Variants in SETBP1 observed in about 807,000 individuals in gnomAD.
SETBP1 encodes the protein SET binding protein 1.
A neutral mutation model predicts 101.0 loss-of-function variants in SETBP1; 9 were observed. The ratio of observed to expected loss-of-function variants is 0.09; its 90% CI spans 0.05 to 0.16. The LOEUF is 0.16. Ranked by LOEUF, SETBP1 falls within the 10% of genes least tolerant of loss-of-function variation. SETBP1 has a pLI of 1.00. For missense variants in SETBP1, 1,858 were observed against 2,033.8 expected (o/e 0.91, Z 1.66); for synonymous variants, 818 against 788.5 (o/e 1.04, Z -0.63).
At chr18:44,955,150 C>T (rs757967075) in intron 4 of SETBP1, among the ~76,000 whole-genome samples, 2 of 152,216 alleles carry the variant, frequency 1.3e-5, no homozygotes, top group Non-Finnish European at 2.9e-5. Flanking sequence ...TTGCTGAGTG[C>T]TGGTTGACTT....
chr18:44,997,543 G>C (rs1470505616), intron 4 of SETBP1, among the ~76,000 whole-genome samples: 1 of 152,128 alleles, frequency 6.6e-6, no homozygotes, highest in East Asian at 1.9e-4. Flanking sequence ...AGCAATTCTT[G>C]AGATCTAAAG....
At chr18:44,707,132 TC>T (rs2144239320) in intron 2 of SETBP1, among the ~76,000 whole-genome samples, 1 of 152,330 alleles carries the variant, frequency 6.6e-6, no homozygotes, top group African/African-American at 2.4e-5. Context: ...GGCGAGGTTT[TC>T]CTATGAAGCC....
intron 4 of SETBP1, chr18:44,988,392 A>G (rs564111350): frequency 3.5e-4 from 53 of 152,364 alleles, no homozygotes; most frequent in African/African-American, 1.2e-3. Context: ...TTAAAATAAT[A>G]TAAAAGGTTT....
intron 4 of SETBP1, among the ~76,000 whole-genome samples, chr18:45,017,677 C>T (rs2072976448): frequency 6.6e-6 from 1 of 152,210 alleles, no homozygotes; most frequent in South Asian, 2.1e-4. Flanking sequence ...AAGTGCAAAC[C>T]ATGGTCTGAT....
chr18:44,759,943 T>G (rs1166973018), intron 2 of SETBP1, among the ~76,000 whole-genome samples: 4 of 152,226 alleles, frequency 2.6e-5, no homozygotes, highest in Non-Finnish European at 5.9e-5. Flanking sequence ...TAGGTATTTC[T>G]TTCAAGCTCC....
In SETBP1 at chr18:44,969,489, G is replaced by A. The variant is rs116691266; in HGVS notation, c.4000+16149G>A. Among the ~76,000 whole-genome samples, 251 of 152,274 alleles carry A rather than the reference G, an allele frequency of 1.6e-3. 1 individual carries two copies. Among genetic ancestry groups the A allele is most frequent in the African/African-American group, 5.9e-3 (244 of 41,544 alleles). On this transcript the variant is annotated intron_variant, in intron 4 of 5. Coordinates refer to ENST00000649279, the MANE Select transcript of SETBP1 (RefSeq NM_015559.3). ...CTCCTTCCCAAGCCTTTCCTGTGAA[G>A]TTATAAATCTCAGCATTTAGAGATA...
chr18:44,855,656 T>C (rs1354979358), intron 2 of SETBP1, among the ~76,000 whole-genome samples: 1 of 152,200 alleles, frequency 6.6e-6, no homozygotes, highest in African/African-American at 2.4e-5. Flanking sequence ...CTTGGGAGTA[T>C]TTACACTATG....
rs113263565 is a variant in SETBP1 at position 44,718,851 on chromosome 18, G to C, written c.486+17019G>C. Among the ~76,000 whole-genome samples the C allele has an allele frequency of 9.2e-3, 1,395 of 152,206 alleles. 22 individuals are homozygous for C. Among genetic ancestry groups the C allele is most frequent in the African/African-American group, 0.028 (1,164 of 41,528 alleles). On this transcript the variant is annotated intron_variant, in intron 2 of 5. Transcript: ENST00000649279. ...ATACTCTATAAGCAGAAAGCACCTC[G>C]TAGTATCTCAACTAGGACAGAGGAT... is the stretch of plus-strand genomic sequence containing the variant.
At chr18:45,044,746 TAA>T (rs1333055817) in intron 5 of SETBP1, among the ~76,000 whole-genome samples, 1 of 152,116 alleles carries the variant, frequency 6.6e-6, no homozygotes, top group Non-Finnish European at 1.5e-5. Flanking sequence ...TTCAAAAAAC[TAA>T]AGTTATTTCA....
intron 3 of SETBP1, among the ~76,000 whole-genome samples, chr18:44,948,683 G>T (rs1340927425): frequency 1.3e-5 from 2 of 152,068 alleles, no homozygotes; most frequent in African/African-American, 4.8e-5. Flanking sequence ...TGTATAAATT[G>T]GGCTTATAAT....
intron 3 of SETBP1, among the ~76,000 whole-genome samples, chr18:44,915,791 C>T (rs1234144955): frequency 1.3e-5 from 2 of 152,220 alleles, no homozygotes; most frequent in Non-Finnish European, 2.9e-5. Flanking sequence ...TAATCTTATT[C>T]TGTCCCCATG....
intron 2 of SETBP1, among the ~76,000 whole-genome samples, chr18:44,839,618 G>T (rs1455086119): frequency 6.6e-6 from 1 of 152,228 alleles, no homozygotes; most frequent in African/African-American, 2.4e-5. Context: ...TGAGGTAAAT[G>T]TGCAGTATTA....
chr18:44,922,808 T>A (rs1250832726), intron 3 of SETBP1, among the ~76,000 whole-genome samples: 3 of 152,192 alleles, frequency 2.0e-5, no homozygotes, highest in Non-Finnish European at 4.4e-5. Context: ...CAAGGAAATC[T>A]AATTACATGG....
At chr18:45,045,888 C>A (rs758282809) in intron 5 of SETBP1, among the ~76,000 whole-genome samples, 1 of 152,034 alleles carries the variant, frequency 6.6e-6, no homozygotes, top group African/African-American at 2.4e-5. Context: ...TTCCCTGGAA[C>A]TTTTTTATCT....
chr18:45,046,282 C>T lies in SETBP1; in HGVS notation c.4171+7627C>T, dbSNP rs544546927. Among the ~76,000 whole-genome samples, 71 of 152,300 alleles carry T rather than the reference C, an allele frequency of 4.7e-4. 1 individual carries two copies. Among genetic ancestry groups the T allele is most frequent in the Middle Eastern group, 6.8e-3 (2 of 294 alleles). ...CGTGTTTGGTTCATGAAAAGGTACA[C>T]TCAAGAGTGTATGAACTCTAATATT... is the stretch of plus-strand genomic sequence containing the variant. On this transcript the variant is annotated intron_variant, in intron 5 of 5. Transcript: ENST00000649279.
In SETBP1 at chr18:44,976,323, T is replaced by C. The variant is rs919068216; in HGVS notation, c.4000+22983T>C. 5.2e-4 allele frequency among the ~76,000 whole-genome samples: 79 copies of C among 152,272 alleles called. 1 individual carries two copies. The highest frequency in any genetic ancestry group is 1.9e-3 in the African/African-American group (77 of 41,550). ...TGCAAAGGCCAAAGCTTGGCTCGCATTTGAGATATGAAGCTCTGACATTCA... is the reference window on the plus strand; with the variant it reads ...TGCAAAGGCCAAAGCTTGGCTCGCACTTGAGATATGAAGCTCTGACATTCA... On this transcript the variant is annotated intron_variant, in intron 4 of 5. Coordinates refer to ENST00000649279, the MANE Select transcript of SETBP1 (RefSeq NM_015559.3).
At chr18:45,047,302 A>C (rs2073632077) in intron 5 of SETBP1, among the ~76,000 whole-genome samples, 1 of 152,216 alleles carries the variant, frequency 6.6e-6, no homozygotes, top group Admixed American at 6.5e-5. Flanking sequence ...ATTTTATATC[A>C]AATATTCAAG....
At chr18:44,829,362 A>G (rs1176973020) in intron 2 of SETBP1, among the ~76,000 whole-genome samples, 1 of 152,240 alleles carries the variant, frequency 6.6e-6, no homozygotes, top group Non-Finnish European at 1.5e-5. Context: ...TCTATTGAAA[A>G]GACGAAATTT....
chr18:44,992,161 A>G lies in SETBP1; in HGVS notation c.4000+38821A>G, dbSNP rs543804812. On this transcript the variant is annotated intron_variant, in intron 4 of 5. Transcript: ENST00000649279. The stretch of plus-strand genomic sequence containing the variant: ...TTTACATTAGGAAATAAGAAAGGCT[A>G]AAACAAGAAAGGCTTACCATATGAC... Among the ~76,000 whole-genome samples the G allele has an allele frequency of 2.1e-4, 32 of 152,252 alleles. No individual in the cohort carries two copies. The South Asian group carries it at 6.2e-3, about 30-fold the overall frequency.
Sources: gnomAD v4.1 joint callset for allele counts (sites outside exome capture counted in the v4.1 genomes callset) on GRCh38, gnomAD v4.1.1 for gene constraint, MANE v1.5 for transcripts, NCBI Gene and HGNC (gene_info 2026-07-23, HGNC 2026-07-21) for gene names.